The following EEF1AKMT2 variants were observed in gnomAD, a reference collection of about 807,000 sequenced individuals.
EEF1AKMT2 encodes eukaryotic translation elongation factor 1 alpha lysine methyltransferase 2.
In EEF1AKMT2, 32 loss-of-function variants were observed where a neutral mutation model predicts 35.8. That is an observed-to-expected ratio of 0.89 (90% confidence interval 0.67 to 1.20). The LOEUF is 1.20. Ranked by LOEUF, EEF1AKMT2 falls within the 50% of genes most tolerant of loss-of-function variation. The probability of loss-of-function intolerance (pLI) is 0.00; values close to 1 mark genes in which losing one functional copy is unlikely to be tolerated. For synonymous variants in EEF1AKMT2, 121 were observed against 133.7 expected (o/e 0.91, Z 0.65); for missense variants, 330 against 347.5 (o/e 0.95, Z 0.40).
chr10:124,784,016 G>A (rs1314766567), intron 3 of EEF1AKMT2, among the ~76,000 whole-genome samples: 1 of 152,018 alleles, frequency 6.6e-6, no homozygotes, highest in Non-Finnish European at 1.5e-5. Context: ...TAGAGACAAG[G>A]TTTCTCCATG....
chr10:124,772,966 G>A (rs550998973), intron 4 of EEF1AKMT2, among the ~76,000 whole-genome samples: 9 of 152,256 alleles, frequency 5.9e-5, no homozygotes, highest in Admixed American at 3.3e-4. Flanking sequence ...TGTGTTCACT[G>A]GAATACCACT....
At chr10:124,762,708 T>G in intron 5 of EEF1AKMT2, 150 bp from the exon 6 acceptor site, 4 of 360,124 alleles carry the variant, frequency 1.1e-5, no homozygotes, top group Non-Finnish European at 1.6e-5. Context: ...TTATAATGCT[T>G]ATTAAAAGCT....
At chr10:124,757,171 CA>C (rs1950293472), downstream of EEF1AKMT2, among the ~76,000 whole-genome samples, 1 of 76,532 alleles carries the variant, frequency 1.3e-5, no homozygotes, top group Non-Finnish European at 3.0e-5. Context: ...CCCTCCCACA[CA>C]CACACACACA....
In EEF1AKMT2 at chr10:124,790,270, C is replaced by T. The variant is rs746744382; in HGVS notation, c.176+3G>A. 2 of 1,600,504 alleles carry T rather than the reference C, an allele frequency of 1.2e-6. No homozygotes were observed. Among genetic ancestry groups the T allele is most frequent in the African/African-American group, 1.3e-5 (1 of 74,762 alleles). The stretch of plus-strand genomic sequence containing the variant: ...TTATAACTTGATTCTTTTCCTAACT[C>T]ACCAGATTTCACCTGTATCTCCATA... On this transcript the variant is annotated splice_donor_region_variant and intron_variant, in intron 2 of 6. Coordinates refer to ENST00000368836, the MANE Select transcript of EEF1AKMT2 (RefSeq NM_212554.4).
downstream of EEF1AKMT2, among the ~76,000 whole-genome samples, chr10:124,757,174 AC>A (rs1950293540): frequency 6.6e-6 from 1 of 151,100 alleles, no homozygotes; most frequent in African/African-American, 2.4e-5. Flanking sequence ...TCCCACACAC[AC>A]ACACACACAC....
chr10:124,760,955 T>C (rs1214064967), intron 6 of EEF1AKMT2, among the ~76,000 whole-genome samples: 2 of 152,248 alleles, frequency 1.3e-5, no homozygotes, highest in Non-Finnish European at 2.9e-5. Flanking sequence ...CTGCAACCTC[T>C]GCCTCCAGAG....
chr10:124,766,146 C>G (rs950453145), intron 4 of EEF1AKMT2: 1 of 152,966 alleles, frequency 6.5e-6, no homozygotes, highest in African/African-American at 2.4e-5. Flanking sequence ...ACTTATATTC[C>G]TAGTGTGTAA....
rs533536383 is a variant in EEF1AKMT2, at chr10:124,761,840, G to A, written c.875+460C>T. 2.9e-4 allele frequency among the ~76,000 whole-genome samples: 44 copies of A among 152,288 alleles called. No individual in the cohort carries two copies. In the South Asian group the frequency reaches 8.9e-3, roughly 31 times the overall value. ...AGCTACTTGGGAGGCTGAAGTGGGA[G>A]ATGCCTGGATGATGGAGGCTGTGGT... On this transcript the variant is annotated intron_variant, in intron 6 of 6. Coordinates refer to ENST00000368836, the MANE Select transcript of EEF1AKMT2 (RefSeq NM_212554.4).
chr10:124,791,829 C>T lies in EEF1AKMT2; in HGVS notation c.5G>A (p.Ser2Asn), dbSNP rs758932477. Residue 2 changes from serine to asparagine, a missense_variant, in exon 1 of 7, where the codon AGC becomes AAC. Transcript: ENST00000368836. M[S>N]SGADGGGGAA... is the part of the protein sequence containing the mutation. ...GCCACCGCCGCCGTCAGCGCCCGAG[C>T]TCATTTCGCTCCACGTCCTGGACGG... The T allele has an allele frequency of 2.3e-5, 36 of 1,575,608 alleles. No individual in the cohort carries two copies. The highest frequency in any genetic ancestry group is 2.7e-5 in the Non-Finnish European group (31 of 1,167,134).
At chr10:124,767,005 C>CA (rs1466787467) in intron 4 of EEF1AKMT2, among the ~76,000 whole-genome samples, 3 of 149,430 alleles carry the variant, frequency 2.0e-5, no homozygotes, top group African/African-American at 7.4e-5. Flanking sequence ...ACTAAAAATA[C>CA]AAAAAATTAG....
intron 4 of EEF1AKMT2, among the ~76,000 whole-genome samples, chr10:124,770,366 C>A (rs1014913938): frequency 6.6e-6 from 1 of 152,108 alleles, no homozygotes; most frequent in South Asian, 2.1e-4. Context: ...GCAAGTGAGC[C>A]AAGATCACAC....
chr10:124,760,177 C>G lies in EEF1AKMT2; in HGVS notation c.*326G>C, dbSNP rs1026869422. The G allele has an allele frequency of 2.5e-6, 1 of 406,502 alleles. No individual in the cohort carries two copies. The highest frequency in any genetic ancestry group is 2.0e-5 in the African/African-American group (1 of 49,186). The allele number at this position is 406,502 out of a possible 1,614,324, so 25.2% of individuals were successfully genotyped here. On this transcript the variant is annotated 3_prime_UTR_variant, in exon 7 of 7. Coordinates refer to ENST00000368836, the MANE Select transcript of EEF1AKMT2 (RefSeq NM_212554.4). ...GAAATTTTTTTAATCGAAAAGAAAACTATTTACATTTCAAATACAAAAGAA... is the reference window on the plus strand; with the variant it reads ...GAAATTTTTTTAATCGAAAAGAAAAGTATTTACATTTCAAATACAAAAGAA...
At position 124,766,434 on chromosome 10, in the gene EEF1AKMT2, A is replaced by C. The variant is rs572060815; in HGVS notation, c.400-826T>G. 4.9e-4 allele frequency: 74 copies of C among 152,338 alleles called. 1 individual carries two copies. The highest frequency in any genetic ancestry group is 4.8e-3 in the Admixed American group (74 of 15,296). 9.4% of individuals were successfully genotyped at this position (152,338 alleles called of 1,614,324 possible). On this transcript the variant is annotated intron_variant, in intron 4 of 6. Transcript: ENST00000368836. ...TTCAGTTGGAGGTGTGAAGTCATAC[A>C]TCACCATCTCATTCACTGTTAATAA...
At chr10:124,763,179 G>T (rs1173769285) in intron 5 of EEF1AKMT2, among the ~76,000 whole-genome samples, 4 of 152,122 alleles carry the variant, frequency 2.6e-5, no homozygotes, top group Non-Finnish European at 5.9e-5. Flanking sequence ...AAGTAAGATG[G>T]GTGGTTATTG....
chr10:124,774,644 TA>T, intron 4 of EEF1AKMT2, 30 bp downstream of exon 4: 1 of 1,142,852 alleles, frequency 8.8e-7, no homozygotes, highest in South Asian at 2.4e-5. Flanking sequence ...ACCTCTATTG[TA>T]AATATTATAG....
At chr10:124,784,237 G>A (rs1301391057) in intron 3 of EEF1AKMT2, among the ~76,000 whole-genome samples, 1 of 151,778 alleles carries the variant, frequency 6.6e-6, no homozygotes, top group Non-Finnish European at 1.5e-5. Flanking sequence ...ATCATATAAG[G>A]CATGTTATCT....
chr10:124,757,220 T>TA (rs1950294041), downstream of EEF1AKMT2, among the ~76,000 whole-genome samples: 1 of 144,866 alleles, frequency 6.9e-6, no homozygotes, highest in Non-Finnish European at 1.5e-5. Context: ...CTAAAGAGGT[T>TA]ACTACTGTGG....
chr10:124,767,847 G>T (rs1044750014), intron 4 of EEF1AKMT2, among the ~76,000 whole-genome samples: 6 of 152,114 alleles, frequency 3.9e-5, no homozygotes, highest in South Asian at 2.1e-4. Context: ...TTAGCTGGGC[G>T]TGGTGGCGCA....
chr10:124,772,494 T>A (rs534644606), intron 4 of EEF1AKMT2, among the ~76,000 whole-genome samples: 2 of 145,446 alleles, frequency 1.4e-5, no homozygotes, highest in East Asian at 4.3e-4. Context: ...AGTTGCGCGA[T>A]CTTGGCTCAC....
Sources: allele counts gnomAD v4.1 joint callset (sites outside exome capture counted in the v4.1 genomes callset), GRCh38; gene constraint gnomAD v4.1.1; transcripts MANE v1.5; gene names NCBI Gene and HGNC (gene_info 2026-07-23, HGNC 2026-07-21).